Variants in UBP1 observed in about 807,000 individuals in gnomAD.
The protein encoded by UBP1 is upstream binding protein 1, also known as upstream-binding protein 1.
Under a neutral mutation model 76.1 loss-of-function variants are expected in UBP1, and 22 were observed. That is an observed-to-expected ratio of 0.29 (90% CI 0.21 to 0.41). The LOEUF is 0.41. UBP1 is among the 10% of genes least tolerant of loss of function. The pLI is 1.00. For synonymous variants in UBP1, 224 were observed against 237.1 expected (o/e 0.94, Z 0.51); for missense variants, 436 against 668.1 (o/e 0.65, Z 3.83).
chr3:33,402,738 TG>T, intron 9 of UBP1, 62 bp downstream of exon 9: 1 of 1,191,836 alleles, frequency 8.4e-7, no homozygotes, highest in Non-Finnish European at 1.1e-6. Flanking sequence ...CATGGAGAGA[TG>T]GGGAAATGAA....
intron 1 of UBP1, among the ~76,000 whole-genome samples, chr3:33,429,236 T>C (rs962931636): frequency 6.6e-6 from 1 of 152,200 alleles, no homozygotes; most frequent in Admixed American, 6.5e-5. Flanking sequence ...AGATTATAAT[T>C]TCTACTATGT....
chr3:33,416,990 G>GA, intron 2 of UBP1, among the ~76,000 whole-genome samples, 156 bp from the exon 3 acceptor site: 1 of 152,130 alleles, frequency 6.6e-6, no homozygotes. Context: ...TCTCTTCCCT[G>GA]AAAATCACAC....
chr3:33,413,376 T>C (rs897213036), intron 3 of UBP1, among the ~76,000 whole-genome samples: 2 of 151,126 alleles, frequency 1.3e-5, no homozygotes, highest in African/African-American at 4.9e-5. Flanking sequence ...TGAAACCCCA[T>C]CTCTACAAAA....
intron 15 of UBP1, 61 bp downstream of exon 15, chr3:33,392,502 T>G: frequency 7.0e-7 from 1 of 1,434,170 alleles, no homozygotes; most frequent in East Asian, 2.3e-5. Flanking sequence ...AGGCACTAAT[T>G]AGAGGCACAC....
intron 1 of UBP1, among the ~76,000 whole-genome samples, chr3:33,425,996 A>AATATATATATATATAT (rs60739079): frequency 2.2e-4 from 12 of 55,130 alleles, no homozygotes; most frequent in African/African-American, 7.7e-4. Context: ...GGCAGCTCTG[A>AATATATATATATATAT]ATATATATAT....
Position 33,392,488 on chromosome 3 carries a change from CGA to C in UBP1, c.1585+73_1585+74del. 3 of 1,244,506 alleles carry C rather than the reference CGA, an allele frequency of 2.4e-6. No individual in the cohort carries two copies. In the South Asian group the frequency reaches 4.3e-5, roughly 18 times the overall value. 77.1% of individuals were successfully genotyped at this position (1,244,506 alleles called of 1,614,324 possible). Reference sequence around the variant, plus strand: ...AAGCAATCATTTTAAAGAATAAACACGAGAGGCACTAATTAGAGGCACACACC... The same window carrying C: ...AAGCAATCATTTTAAAGAATAAACACGAGGCACTAATTAGAGGCACACACC... On this transcript the variant is annotated intron_variant, in intron 15 of 15. Coordinates refer to ENST00000283629, the MANE Select transcript of UBP1 (RefSeq NM_014517.5).
At chr3:33,395,587 TAC>T in intron 13 of UBP1, among the ~76,000 whole-genome samples, 1 of 151,678 alleles carries the variant, frequency 6.6e-6, no homozygotes, top group East Asian at 1.9e-4. Context: ...TAGTATTATT[TAC>T]AGTGACATAA....
chr3:33,434,248 A>AAAT (rs775944134), intron 1 of UBP1, among the ~76,000 whole-genome samples: 55 of 152,144 alleles, frequency 3.6e-4, no homozygotes, highest in Non-Finnish European at 5.6e-4. Flanking sequence ...GACTACATAA[A>AAAT]AATAATTTCT....
chr3:33,414,523 G>A (rs540375334), intron 3 of UBP1, among the ~76,000 whole-genome samples: 7 of 152,110 alleles, frequency 4.6e-5, no homozygotes, highest in Non-Finnish European at 8.8e-5. Context: ...AAGCACCTTC[G>A]CAAACCTATC....
rs2043844609 is a variant in UBP1, at chr3:33,393,423, A to G, written c.1422T>C (p.Ile474=). ...VYHAIYLEEM[I]ASEVARKLAL... is the part of the protein sequence containing the mutation. ...CAAGTTTTCGAGCAACTTCTGAGGC[A>G]ATCATTTCTTCCAAGTAGATTGCAT... The change falls in exon 14 of 16, where the codon ATT becomes ATC. Residue 474 remains isoleucine (I), a synonymous_variant. Coordinates refer to ENST00000283629, the MANE Select transcript of UBP1 (RefSeq NM_014517.5). The G allele has an allele frequency of 6.2e-7, 1 of 1,612,064 alleles. No individual in the cohort carries two copies. The highest frequency in any genetic ancestry group is 2.2e-5 in the East Asian group (1 of 44,848).
intron 4 of UBP1, among the ~76,000 whole-genome samples, chr3:33,411,965 T>C (rs1480243897): frequency 2.0e-5 from 3 of 152,082 alleles, no homozygotes. Context: ...GGCAGGTGGA[T>C]AACCCGAGGT....
chr3:33,417,620 A>G (rs768407341), intron 2 of UBP1, among the ~76,000 whole-genome samples: 8 of 152,230 alleles, frequency 5.3e-5, no homozygotes, highest in Non-Finnish European at 1.2e-4. Context: ...ATATTCACAC[A>G]TCAATCTAGA....
chr3:33,405,430 G>A (rs1409761278), intron 8 of UBP1, among the ~76,000 whole-genome samples: 1 of 152,196 alleles, frequency 6.6e-6, no homozygotes, highest in Non-Finnish European at 1.5e-5. Flanking sequence ...CACCACGCCA[G>A]AACATTGCCT....
chr3:33,415,029 A>T (rs913362787), intron 3 of UBP1, among the ~76,000 whole-genome samples: 4 of 152,184 alleles, frequency 2.6e-5, no homozygotes, highest in Non-Finnish European at 2.9e-5. Flanking sequence ...TTGTATATTA[A>T]ATGTTTTTAC....
chr3:33,416,882 A>C, intron 2 of UBP1, 48 bp from the exon 3 acceptor site: 1 of 1,441,342 alleles, frequency 6.9e-7, no homozygotes, highest in African/African-American at 1.4e-5. Flanking sequence ...AAAGAACATC[A>C]CTTTGCTTAA....
intron 7 of UBP1, 129 bp from the exon 8 acceptor site, chr3:33,408,926 T>A: frequency 1.0e-6 from 1 of 967,540 alleles, no homozygotes; most frequent in Non-Finnish European, 1.5e-6. Flanking sequence ...TTAAAAAAAA[T>A]GCAAAACCCC....
At chr3:33,405,731 G>A (rs1007925018) in intron 8 of UBP1, among the ~76,000 whole-genome samples, 1 of 152,078 alleles carries the variant, frequency 6.6e-6, no homozygotes, top group African/African-American at 2.4e-5. Context: ...CTGCACTCCA[G>A]GCCCAGGTGA....
chr3:33,425,823 T>A (rs1193848270), intron 1 of UBP1, 82 bp from the exon 2 acceptor site: 3 of 1,291,232 alleles, frequency 2.3e-6, no homozygotes, highest in Admixed American at 2.2e-5. Flanking sequence ...ATGCACCCAA[T>A]CTTGTCTGAA....
chr3:33,425,517 G>C (rs1479870920), intron 2 of UBP1, 73 bp downstream of exon 2: 6 of 1,375,796 alleles, frequency 4.4e-6, no homozygotes, highest in Non-Finnish European at 4.8e-6. Context: ...CAATAATCTA[G>C]GCTACAATGC....
Sources: allele counts gnomAD v4.1 joint callset (sites outside exome capture counted in the v4.1 genomes callset), GRCh38; gene constraint gnomAD v4.1.1; transcripts MANE v1.5; gene names NCBI Gene and HGNC (gene_info 2026-07-23, HGNC 2026-07-21).